Variants in THSD7B observed in about 807,000 individuals in gnomAD.
THSD7B encodes thrombospondin type-1 domain-containing protein 7B.
Under a neutral mutation model 213.6 loss-of-function variants are expected in THSD7B, and 138 were observed. That is an observed-to-expected ratio of 0.65 (90% confidence interval 0.56 to 0.74). The LOEUF (loss-of-function observed/expected upper bound fraction) is 0.74. THSD7B is among the 30% of genes least tolerant of loss of function. The probability of loss-of-function intolerance (pLI) is 0.00; values close to 1 mark genes in which losing one functional copy is unlikely to be tolerated. For synonymous variants in THSD7B, 742 were observed against 687.0 expected, an observed-to-expected ratio of 1.08 and a Z score of -1.25; for missense variants, 1,931 against 1,991.5, an observed-to-expected ratio of 0.97 and a Z score of 0.58.
intron 15 of THSD7B, among the ~76,000 whole-genome samples, chr2:137,524,177 A>G (rs1266529221): frequency 6.6e-6 from 1 of 152,132 alleles, no homozygotes; most frequent in Non-Finnish European, 1.5e-5. Flanking sequence ...TTTTAAATGA[A>G]TGCCTTGTGG....
At chr2:137,172,694 G>A (rs760148928) in intron 7 of THSD7B, among the ~76,000 whole-genome samples, 1 of 152,208 alleles carries the variant, frequency 6.6e-6, no homozygotes, top group Non-Finnish European at 1.5e-5. Context: ...GGAAGGAGTT[G>A]TGGGAACCCC....
intron 2 of THSD7B, among the ~76,000 whole-genome samples, chr2:136,961,539 C>T (rs72617054): frequency 0.13 from 19,031 of 151,952 alleles, 1,710 homozygotes; most frequent in East Asian, 0.42. Context: ...CAATATAAAT[C>T]GTAAACCTGT....
chr2:137,155,405 A>G (rs1679893463), intron 5 of THSD7B, among the ~76,000 whole-genome samples: 1 of 152,186 alleles, frequency 6.6e-6, no homozygotes. Context: ...GAGAAGACAG[A>G]GCTAATTAAT....
intron 4 of THSD7B, among the ~76,000 whole-genome samples, chr2:137,105,654 C>A (rs957204371): frequency 6.6e-6 from 1 of 152,136 alleles, no homozygotes; most frequent in Non-Finnish European, 1.5e-5. Context: ...ATTTAGAAAA[C>A]CCCATTGTCT....
chr2:137,637,494 A>G (rs1682855481), intron 20 of THSD7B, among the ~76,000 whole-genome samples: 1 of 152,252 alleles, frequency 6.6e-6, no homozygotes, highest in African/African-American at 2.4e-5. Context: ...ATACATCAAA[A>G]TGCAGATTTA....
At chr2:137,579,223 G>A (rs1681524691) in intron 17 of THSD7B, among the ~76,000 whole-genome samples, 1 of 152,040 alleles carries the variant, frequency 6.6e-6, no homozygotes, top group African/African-American at 2.4e-5. Flanking sequence ...AAATAATGAA[G>A]TTCCATCCAA....
chr2:136,870,541 G>T (rs1384342379), intron 1 of THSD7B, among the ~76,000 whole-genome samples: 1 of 152,208 alleles, frequency 6.6e-6, no homozygotes, highest in Non-Finnish European at 1.5e-5. Context: ...TGTTGTAAGT[G>T]TTACCAACAA....
At chr2:137,041,294 T>C (rs1437489590) in intron 2 of THSD7B, among the ~76,000 whole-genome samples, 1 of 152,164 alleles carries the variant, frequency 6.6e-6, no homozygotes, top group Non-Finnish European at 1.5e-5. Context: ...AGAAGTCTCC[T>C]TGAGGTTGTT....
intron 1 of THSD7B, among the ~76,000 whole-genome samples, chr2:136,833,805 A>G (rs1682798638): frequency 6.6e-6 from 1 of 152,192 alleles, no homozygotes; most frequent in African/African-American, 2.4e-5. Context: ...AGAAGATGAA[A>G]AAGGTTTGAT....
At chr2:136,992,700 G>A (rs1368728306) in intron 2 of THSD7B, among the ~76,000 whole-genome samples, 1 of 152,096 alleles carries the variant, frequency 6.6e-6, no homozygotes, top group Non-Finnish European at 1.5e-5. Flanking sequence ...CCTGTCCCTG[G>A]GGGTGTTAAC....
In THSD7B at chr2:136,866,846, G is replaced by A. The variant is rs555991584; in HGVS notation, c.-35-15298G>A. The stretch of plus-strand genomic sequence containing the variant: ...AGAAGAAAGCTGGGTTTCTAGCAGA[G>A]TCTGTGAGAAATGGAATTTTGCAGC... On this transcript the variant is annotated intron_variant, in intron 1 of 27. Transcript: ENST00000409968. 2.0e-5 allele frequency among the ~76,000 whole-genome samples: 3 copies of A among 152,270 alleles called. No individual in the cohort carries two copies. The East Asian group carries it at 5.8e-4, about 29-fold the overall frequency.
chr2:137,665,675 A>G (rs74823190), intron 26 of THSD7B, among the ~76,000 whole-genome samples: 3,827 of 152,140 alleles, frequency 0.025, 135 homozygotes, highest in African/African-American at 0.086. Context: ...CATATACTAA[A>G]AGAAGTCCGT....
At chr2:137,012,615 T>C (rs2104835438) in intron 2 of THSD7B, among the ~76,000 whole-genome samples, 1 of 152,332 alleles carries the variant, frequency 6.6e-6, no homozygotes, top group South Asian at 2.1e-4. Flanking sequence ...TCAGTGCTCA[T>C]GTGGCATTCA....
chr2:137,521,642 A>G (rs1014731213), intron 15 of THSD7B, among the ~76,000 whole-genome samples: 4 of 152,184 alleles, frequency 2.6e-5, no homozygotes, highest in East Asian at 1.9e-4. Context: ...TGATCAGAGC[A>G]TGGTTGGAAG....
intron 9 of THSD7B, among the ~76,000 whole-genome samples, chr2:137,236,939 C>T (rs1324545231): frequency 6.6e-6 from 1 of 151,988 alleles, no homozygotes; most frequent in African/African-American, 2.4e-5. Flanking sequence ...GGTGAAACCC[C>T]ATCTCTACTA....
chr2:136,785,334 C>A (rs61565801), intron 1 of THSD7B, among the ~76,000 whole-genome samples: 4 of 151,988 alleles, frequency 2.6e-5, no homozygotes, highest in Non-Finnish European at 4.4e-5. Flanking sequence ...GTTCCCCTTG[C>A]CCCCTCAGGT....
intron 1 of THSD7B, among the ~76,000 whole-genome samples, chr2:136,866,574 A>G (rs1209020514): frequency 1.3e-5 from 2 of 152,202 alleles, no homozygotes; most frequent in African/African-American, 2.4e-5. Flanking sequence ...TTCCAAGACT[A>G]TTAGTTTAGG....
intron 17 of THSD7B, among the ~76,000 whole-genome samples, chr2:137,584,541 A>T (rs1338694808): frequency 2.0e-5 from 3 of 152,178 alleles, no homozygotes; most frequent in African/African-American, 7.2e-5. Flanking sequence ...AGTTTTTAGC[A>T]TGAAGGGCTG....
intron 2 of THSD7B, among the ~76,000 whole-genome samples, chr2:137,036,474 T>C (rs1435160263): frequency 6.6e-6 from 1 of 152,220 alleles, no homozygotes; most frequent in Admixed American, 6.5e-5. Context: ...ATTCTAATGT[T>C]GTCAAAGACT....
Sources: gnomAD v4.1 joint callset for allele counts (sites outside exome capture counted in the v4.1 genomes callset) on GRCh38, gnomAD v4.1.1 for gene constraint, MANE v1.5 for transcripts, NCBI Gene and HGNC (gene_info 2026-07-23, HGNC 2026-07-21) for gene names.